Variants in FAM228A observed in about 807,000 individuals in gnomAD.
The protein encoded by FAM228A is family with sequence similarity 228 member A, also known as protein FAM228A.
In FAM228A, 13 loss-of-function variants were observed where a neutral mutation model predicts 18.6. The ratio of observed to expected loss-of-function variants is 0.70; its 90% CI spans 0.45 to 1.11. The LOEUF is 1.11. FAM228A is among the 50% of genes least tolerant of loss of function. The pLI, the probability that FAM228A is intolerant of heterozygous loss-of-function variation, is 0.00. For synonymous variants in FAM228A, 77 were observed against 86.6 expected (o/e 0.89, Z 0.61); for missense variants, 240 against 242.2 (o/e 0.99, Z 0.06).
chr2:24,188,458 C>T (rs763653406), intron 5 of FAM228A: 18 of 985,168 alleles, frequency 1.8e-5, no homozygotes, highest in African/African-American at 3.5e-5. Context: ...TGTCTGTACT[C>T]GGGGCCTGGA....
intron 5 of FAM228A, among the ~76,000 whole-genome samples, chr2:24,185,448 A>C (rs1667925314): frequency 6.6e-6 from 1 of 152,240 alleles, no homozygotes; most frequent in South Asian, 2.1e-4. Flanking sequence ...ACATACACAC[A>C]TACAAACAAA....
Position 24,190,538 on chromosome 2 carries a change from TGAAA to T in FAM228A, c.534_537del (p.Lys179ValfsTer3). On this transcript the variant is annotated frameshift_variant, in exon 6 of 6. Coordinates refer to ENST00000295150, the MANE Select transcript of FAM228A (RefSeq NM_001040710.3). LOFTEE classifies it low-confidence loss of function (END_TRUNC). The stretch of plus-strand genomic sequence containing the variant: ...AGCTCAGCCAGAAGAACAAAGTGGG[TGAAA>T]GAAAGGGTCTGGTGAGCAGAGGCCT... The T allele has an allele frequency of 6.2e-7, 1 of 1,613,520 alleles. No individual in the cohort carries two copies. Among genetic ancestry groups the T allele is most frequent in the Non-Finnish European group, 8.5e-7 (1 of 1,179,896 alleles).
Position 24,190,771 on chromosome 2 carries a change from G to A in FAM228A, c.*140G>A, listed in dbSNP as rs922542827. 1.5e-6 allele frequency: 2 copies of A among 1,338,828 alleles called. No individual in the cohort carries two copies. The highest frequency in any genetic ancestry group is 3.5e-5 in the Admixed American group (1 of 28,374). 82.9% of individuals were successfully genotyped at this position (1,338,828 alleles called of 1,614,324 possible). A position where few individuals can be genotyped will look rare whatever the true frequency, so the allele number is the denominator to read the frequency against. ...CTGCAGCTCTGACAGGGCCCCTCGGGCGGGGAAGCCTTGCATGAAGAAACT... is the reference window on the plus strand; with the variant it reads ...CTGCAGCTCTGACAGGGCCCCTCGGACGGGGAAGCCTTGCATGAAGAAACT... On this transcript the variant is annotated 3_prime_UTR_variant, in exon 6 of 6. Transcript: ENST00000295150.
intron 5 of FAM228A, among the ~76,000 whole-genome samples, chr2:24,187,406 A>G (rs981852047): frequency 1.3e-5 from 2 of 152,224 alleles, no homozygotes; most frequent in African/African-American, 4.8e-5. Context: ...ATCCTGCACC[A>G]CAGTGGTACA....
intron 2 of FAM228A, chr2:24,176,261 A>G (rs919793024): frequency 2.2e-6 from 2 of 903,450 alleles, no homozygotes; most frequent in African/African-American, 3.6e-5. Flanking sequence ...TGCTTCTCCA[A>G]ATAAATAAAT....
At chr2:24,185,783 G>A (rs184782239) in intron 5 of FAM228A, among the ~76,000 whole-genome samples, 17 of 152,272 alleles carry the variant, frequency 1.1e-4, no homozygotes, top group Middle Eastern at 3.4e-3. Context: ...GAATTACTCA[G>A]CCCCAAATGT....
chr2:24,177,919 G>C (rs375036451), intron 3 of FAM228A, 49 bp downstream of exon 3: 18 of 1,220,552 alleles, frequency 1.5e-5, no homozygotes, highest in Non-Finnish European at 1.8e-5. Context: ...AGGGGAGCAA[G>C]AGTGTGCAGA....
chr2:24,186,112 G>A (rs896839088), intron 5 of FAM228A, among the ~76,000 whole-genome samples: 7 of 151,920 alleles, frequency 4.6e-5, no homozygotes, highest in Admixed American at 2.6e-4. Context: ...TACAACCTCC[G>A]CCTCAACCTC....
At chr2:24,184,692 T>A in intron 5 of FAM228A, among the ~76,000 whole-genome samples, 1 of 152,242 alleles carries the variant, frequency 6.6e-6, no homozygotes, top group Admixed American at 6.5e-5. Context: ...TTATTTATTT[T>A]TGAGTCTGAG....
In FAM228A at chr2:24,190,553, G is replaced by A; in HGVS notation, c.543G>A (p.Leu181=). 2 of 1,613,826 alleles carry A rather than the reference G, an allele frequency of 1.2e-6. No homozygotes were observed. The highest frequency in any genetic ancestry group is 1.7e-6 in the Non-Finnish European group (2 of 1,179,926). The part of the protein sequence containing the change: ...QKNKVGERKG[L]VSRGLGRGWH... Reference sequence around the variant, plus strand: ...ACAAAGTGGGTGAAAGAAAGGGTCTGGTGAGCAGAGGCCTGGGGCGGGGCT... The same window carrying A: ...ACAAAGTGGGTGAAAGAAAGGGTCTAGTGAGCAGAGGCCTGGGGCGGGGCT... Residue 181 remains leucine (L), a synonymous_variant, in exon 6 of 6, where the codon CTG becomes CTA. Transcript: ENST00000295150.
intron 3 of FAM228A, among the ~76,000 whole-genome samples, chr2:24,181,123 T>C (rs916466910): frequency 6.6e-6 from 1 of 152,228 alleles, no homozygotes; most frequent in Non-Finnish European, 1.5e-5. Context: ...GGCCCATGGA[T>C]GACTTTAGAC....
intron 5 of FAM228A, among the ~76,000 whole-genome samples, chr2:24,183,971 A>C (rs979593001): frequency 6.6e-6 from 1 of 152,142 alleles, no homozygotes; most frequent in African/African-American, 2.4e-5. Context: ...TTATCAACTA[A>C]CTTTGTATCC....
At chr2:24,181,516 C>T (rs1216668072) in intron 3 of FAM228A, among the ~76,000 whole-genome samples, 9 of 152,100 alleles carry the variant, frequency 5.9e-5, no homozygotes, top group Non-Finnish European at 1.0e-4. Flanking sequence ...TGCCAGGTAG[C>T]TGGGATTACA....
At chr2:24,180,158 G>C (rs1667782174) in intron 3 of FAM228A, among the ~76,000 whole-genome samples, 2 of 152,018 alleles carry the variant, frequency 1.3e-5, no homozygotes, top group Non-Finnish European at 2.9e-5. Flanking sequence ...ATATCTAGTA[G>C]ATATCTAGAG....
chr2:24,179,661 A>C (rs961107820), intron 3 of FAM228A, among the ~76,000 whole-genome samples: 2 of 152,200 alleles, frequency 1.3e-5, no homozygotes, highest in Non-Finnish European at 2.9e-5. Flanking sequence ...TATCCCCATC[A>C]TTCTCACATT....
chr2:24,181,353 T>C (rs11692176), intron 3 of FAM228A, among the ~76,000 whole-genome samples: 127,550 of 152,250 alleles, frequency 0.84, 55,051 homozygotes, highest in Non-Finnish European at 0.93. Flanking sequence ...AAGACCATTA[T>C]AATCCTGAAG....
chr2:24,181,611 C>T (rs763985123), intron 3 of FAM228A, among the ~76,000 whole-genome samples: 67 of 152,114 alleles, frequency 4.4e-4, no homozygotes, highest in Non-Finnish European at 9.4e-4. Flanking sequence ...GTCTTGAGCT[C>T]CTGACCTCAG....
chr2:24,183,462 G>A, intron 4 of FAM228A, 33 bp from the exon 5 acceptor site: 1 of 1,610,580 alleles, frequency 6.2e-7, no homozygotes. Flanking sequence ...AGTTCTTGAA[G>A]AGTGTTGATT....
intron 5 of FAM228A, among the ~76,000 whole-genome samples, chr2:24,184,999 C>T (rs542083817): frequency 3.3e-5 from 5 of 151,998 alleles, no homozygotes; most frequent in Admixed American, 2.6e-4. Flanking sequence ...ATTTTTGTAT[C>T]TTTAGTAGAG....
Sources: gnomAD v4.1 joint callset for allele counts (sites outside exome capture counted in the v4.1 genomes callset) on GRCh38, gnomAD v4.1.1 for gene constraint, MANE v1.5 for transcripts, NCBI Gene and HGNC (gene_info 2026-07-23, HGNC 2026-07-21) for gene names.